The following PIK3C2G variants were observed in gnomAD, a reference collection of about 807,000 sequenced individuals.
PIK3C2G encodes the protein phosphatidylinositol 3-kinase C2 domain-containing subunit gamma.
A neutral mutation model predicts 181.1 loss-of-function variants in PIK3C2G; 168 were observed. The ratio of observed to expected loss-of-function variants is 0.93; its 90% CI spans 0.82 to 1.05. PIK3C2G has a LOEUF of 1.05. Among genes scored for constraint, PIK3C2G ranks in the 50% least tolerant of loss-of-function variants. The probability of loss-of-function intolerance (pLI) is 0.00; values close to 1 mark genes in which losing one functional copy is unlikely to be tolerated. For synonymous variants in PIK3C2G, 573 were observed against 592.2 expected (o/e 0.97, Z 0.47); for missense variants, 1,869 against 1,732.8 (o/e 1.08, Z -1.40).
At chr12:18,368,137 C>T (rs561487249) in intron 12 of PIK3C2G, among the ~76,000 whole-genome samples, 9 of 152,082 alleles carry the variant, frequency 5.9e-5, no homozygotes, top group Non-Finnish European at 7.4e-5. Context: ...GATTAAAATT[C>T]GAGATGAGAT....
At chr12:18,481,378 C>T (rs1188360690) in intron 18 of PIK3C2G, among the ~76,000 whole-genome samples, 1 of 152,152 alleles carries the variant, frequency 6.6e-6, no homozygotes, top group Non-Finnish European at 1.5e-5. Flanking sequence ...GTGCAGGAAA[C>T]TTCAGGGAAA....
intron 18 of PIK3C2G, among the ~76,000 whole-genome samples, chr12:18,433,716 C>A (rs185528799): frequency 1.4e-3 from 219 of 152,214 alleles, no homozygotes; most frequent in Admixed American, 2.2e-3. Flanking sequence ...TAAGCAACTA[C>A]CAATTATGCT....
At chr12:18,366,747 A>G (rs1214102336) in intron 12 of PIK3C2G, among the ~76,000 whole-genome samples, 1 of 151,994 alleles carries the variant, frequency 6.6e-6, no homozygotes, top group East Asian at 1.9e-4. Flanking sequence ...TTTAAAAAAA[A>G]AAAGCAATCT....
chr12:18,487,223 G>T (rs1386855936), intron 18 of PIK3C2G, among the ~76,000 whole-genome samples: 1 of 151,430 alleles, frequency 6.6e-6, no homozygotes, highest in Non-Finnish European at 1.5e-5. Context: ...TAGAAGACAA[G>T]TTGGCTTCTA....
chr12:18,399,334 T>C (rs1944106520), intron 15 of PIK3C2G, among the ~76,000 whole-genome samples: 1 of 151,442 alleles, frequency 6.6e-6, no homozygotes, highest in African/African-American at 2.4e-5. Flanking sequence ...CAGAAAAACT[T>C]GGTTTTCCCT....
chr12:18,725,299 A>G, the PIK3C2G span, among the ~76,000 whole-genome samples: 40 of 152,262 alleles, frequency 2.6e-4, no homozygotes, highest in South Asian at 8.3e-3. Context: ...GGGAGAAGAA[A>G]AGCAATAAGA....
chr12:18,574,243 G>C (rs550358944), intron 29 of PIK3C2G, among the ~76,000 whole-genome samples: 4 of 152,218 alleles, frequency 2.6e-5, no homozygotes, highest in Admixed American at 2.6e-4. Context: ...AGAGTACAAG[G>C]CCTTTTGGAT....
At chr12:18,388,243 T>C (rs920735439) in intron 14 of PIK3C2G, among the ~76,000 whole-genome samples, 1 of 152,082 alleles carries the variant, frequency 6.6e-6, no homozygotes, top group East Asian at 1.9e-4. Context: ...ATAGAACTCA[T>C]GGTCTAACAT....
chr12:18,446,551 T>G (rs1947040529), intron 18 of PIK3C2G, among the ~76,000 whole-genome samples: 2 of 152,128 alleles, frequency 1.3e-5, no homozygotes, highest in Admixed American at 1.3e-4. Context: ...CCGTGTGATT[T>G]TTCTCCCTGC....
At chr12:18,307,810 T>G (rs1038723004) in intron 5 of PIK3C2G, among the ~76,000 whole-genome samples, 129 of 151,964 alleles carry the variant, frequency 8.5e-4, no homozygotes, top group Non-Finnish European at 2.1e-4. Flanking sequence ...TTTAACAAAT[T>G]TATCACGTAG....
At chr12:18,630,681 G>A (rs536321222) in intron 31 of PIK3C2G, among the ~76,000 whole-genome samples, 63 of 145,092 alleles carry the variant, frequency 4.3e-4, no homozygotes, top group African/African-American at 1.6e-3. Context: ...TTAAAACACT[G>A]AAAAATTATG....
chr12:18,516,405 C>A (rs1421146194), intron 24 of PIK3C2G, among the ~76,000 whole-genome samples: 1 of 151,802 alleles, frequency 6.6e-6, no homozygotes, highest in Admixed American at 6.6e-5. Context: ...TTTCAGCATT[C>A]TTTCTTTGTC....
chr12:18,417,747 T>TA (rs548073415), intron 16 of PIK3C2G, among the ~76,000 whole-genome samples: 28 of 122,106 alleles, frequency 2.3e-4, no homozygotes, highest in East Asian at 6.3e-4. Flanking sequence ...TTACATACAT[T>TA]AAAAAAAACA....
intron 24 of PIK3C2G, among the ~76,000 whole-genome samples, chr12:18,508,425 A>G: frequency 6.6e-6 from 1 of 152,160 alleles, no homozygotes; most frequent in Non-Finnish European, 1.5e-5. Flanking sequence ...AACTTCTTCC[A>G]TACTAGGTTC....
At chr12:18,355,434 G>A (rs1168845360) in intron 11 of PIK3C2G, among the ~76,000 whole-genome samples, 1 of 152,176 alleles carries the variant, frequency 6.6e-6, no homozygotes, top group Non-Finnish European at 1.5e-5. Context: ...TGCTTTCTAC[G>A]AATAGGTTAC....
At chr12:18,494,609 T>A (rs956287490) in intron 20 of PIK3C2G, among the ~76,000 whole-genome samples, 1 of 152,150 alleles carries the variant, frequency 6.6e-6, no homozygotes, top group African/African-American at 2.4e-5. Flanking sequence ...AAAGATAGGC[T>A]AAGCCTTGCC....
At chr12:18,332,050 A>G (rs1330293351) in intron 8 of PIK3C2G, among the ~76,000 whole-genome samples, 2 of 152,174 alleles carry the variant, frequency 1.3e-5, no homozygotes, top group African/African-American at 4.8e-5. Context: ...TATTTTGTTA[A>G]GGATATTTGC....
At chr12:18,510,511 A>C (rs1942135418) in intron 24 of PIK3C2G, among the ~76,000 whole-genome samples, 1 of 152,160 alleles carries the variant, frequency 6.6e-6, no homozygotes, top group South Asian at 2.1e-4. Flanking sequence ...TTGCTCTCCT[A>C]GCTCTTTATT....
chr12:18,668,391 T>A, the PIK3C2G span, among the ~76,000 whole-genome samples: 1 of 152,138 alleles, frequency 6.6e-6, no homozygotes, highest in Non-Finnish European at 1.5e-5. Context: ...AAGGGAAAAT[T>A]TGTAAAAGGA....
Sources: gnomAD v4.1 joint callset for allele counts (sites outside exome capture counted in the v4.1 genomes callset) on GRCh38, gnomAD v4.1.1 for gene constraint, MANE v1.5 for transcripts, NCBI Gene and HGNC (gene_info 2026-07-23, HGNC 2026-07-21) for gene names.